Variants in PLCD1 observed in about 807,000 individuals in gnomAD.
The protein encoded by PLCD1 is 1-phosphatidylinositol 4,5-bisphosphate phosphodiesterase delta-1.
In PLCD1, 71 loss-of-function variants were observed where a neutral mutation model predicts 87.4. The observed-to-expected ratio is 0.81, with a 90% CI of 0.67 to 0.99. PLCD1 has a LOEUF of 0.99. PLCD1 is among the 50% of genes least tolerant of loss of function. The pLI is 0.00. For synonymous variants in PLCD1, 348 were observed against 399.2 expected (o/e 0.87, Z 1.53); for missense variants, 867 against 1,001.5 (o/e 0.87, Z 1.81).
At chr3:38,011,105 G>A (rs1700065634) in intron 5 of PLCD1, 109 bp downstream of exon 5, 2 of 845,512 alleles carry the variant, frequency 2.4e-6, no homozygotes, top group Admixed American at 5.2e-5. Flanking sequence ...GCTGGCTGAG[G>A]CAGCCCCTTC....
rs191493683 is a variant in PLCD1, at chr3:38,015,509, T to C, written c.428+982A>G. 1.1e-3 allele frequency among the ~76,000 whole-genome samples: 165 copies of C among 152,332 alleles called. 1 individual carries two copies. Among genetic ancestry groups the C allele is most frequent in the Middle Eastern group, 0.01 (3 of 292 alleles). On this transcript the variant is annotated intron_variant, in intron 3 of 14. Coordinates refer to ENST00000334661, the MANE Select transcript of PLCD1 (RefSeq NM_006225.4). Reference sequence around the variant, plus strand: ...GGAAATGTGCTAAAATTGATTGTGATGATGGCTGCACAATTCTGTGAATAT... The same window carrying C: ...GGAAATGTGCTAAAATTGATTGTGACGATGGCTGCACAATTCTGTGAATAT...
At chr3:38,024,269 T>A (rs539967344) in intron 1 of PLCD1, 3 of 1,409,094 alleles carry the variant, frequency 2.1e-6, no homozygotes, top group South Asian at 1.2e-5. Context: ...AAGGGACAAG[T>A]GGTCGGCGTC....
intron 1 of PLCD1, among the ~76,000 whole-genome samples, chr3:38,027,981 G>T (rs988155215): frequency 6.6e-6 from 1 of 152,214 alleles, no homozygotes; most frequent in Admixed American, 6.5e-5. Context: ...CTCAAATGGG[G>T]TGGGCCAGGG....
chr3:38,010,664 C>T (rs1448903393), intron 5 of PLCD1, 102 bp from the exon 6 acceptor site: 2 of 902,604 alleles, frequency 2.2e-6, no homozygotes, highest in Non-Finnish European at 3.5e-6. Context: ...CGCTTGCCTG[C>T]CTGTCCTGAG....
In PLCD1 at chr3:38,010,586, C is replaced by T. The variant is rs528040713; in HGVS notation, c.791-24G>A. ...GGCTGGGAGGGAGGAGGCCACTGCCCGTCAGAGCCAGCCTCCAGCAGGCGC... is the reference window on the plus strand; with the variant it reads ...GGCTGGGAGGGAGGAGGCCACTGCCTGTCAGAGCCAGCCTCCAGCAGGCGC... On this transcript the variant is annotated intron_variant, in intron 5 of 14. Transcript: ENST00000334661. 134 of 1,599,004 alleles carry T rather than the reference C, an allele frequency of 8.4e-5. No homozygotes were observed. In the South Asian group the frequency reaches 1.1e-3, roughly 13 times the overall value.
chr3:38,010,098 A>AT (rs1356604402), intron 7 of PLCD1, 33 bp downstream of exon 7: 10 of 1,614,078 alleles, frequency 6.2e-6, no homozygotes, highest in Admixed American at 1.7e-5. Flanking sequence ...CACCCCTAGC[A>AT]TCCCACTCCT....
At chr3:38,011,188 G>A (rs1214199102) in intron 5 of PLCD1, 26 bp downstream of exon 5, 1 of 1,565,564 alleles carries the variant, frequency 6.4e-7, no homozygotes, top group Non-Finnish European at 8.7e-7. Context: ...GCGACTGCAG[G>A]TAGCAGGCCC....
At chr3:38,014,891 G>A (rs1188859467) in intron 3 of PLCD1, among the ~76,000 whole-genome samples, 1 of 152,174 alleles carries the variant, frequency 6.6e-6, no homozygotes, top group Admixed American at 6.5e-5. Context: ...AATCATTAGG[G>A]AAATGCAAAT....
intron 1 of PLCD1, among the ~76,000 whole-genome samples, chr3:38,021,487 C>T (rs1251891166): frequency 1.3e-5 from 2 of 152,148 alleles, no homozygotes; most frequent in African/African-American, 2.4e-5. Flanking sequence ...ACAGGAGGCA[C>T]CAAAAGGACG....
At chr3:38,020,862 C>T (rs954457486) in intron 1 of PLCD1, among the ~76,000 whole-genome samples, 5 of 152,174 alleles carry the variant, frequency 3.3e-5, no homozygotes, top group African/African-American at 4.8e-5. Context: ...AGCCAAACAA[C>T]GTCCCAACTC....
intron 3 of PLCD1, among the ~76,000 whole-genome samples, chr3:38,016,018 T>A (rs755581116): frequency 5.3e-5 from 8 of 152,180 alleles, no homozygotes; most frequent in Admixed American, 3.9e-4. Flanking sequence ...GCTTCATGTA[T>A]CTTCCCTCCT....
rs772158117 is a variant in PLCD1 at position 38,016,636 on chromosome 3, G to A, written c.283C>T (p.Arg95Cys). 2.4e-5 allele frequency: 38 copies of A among 1,609,316 alleles called. 1 individual carries two copies. In the Middle Eastern group the frequency reaches 1.3e-3, roughly 56 times the overall value. Residue 95 changes from arginine (R) to cysteine (C), a missense_variant, in exon 3 of 15, where the codon CGC (arginine) becomes TGC (cysteine). Coordinates refer to ENST00000334661, the MANE Select transcript of PLCD1 (RefSeq NM_006225.4). ...EKFARDVPED[R>C]CFSIVFKDQR... ...TCCTTGAAGACAATGGAGAAGCAGC[G>A]GTCCTCGGGCACATCACGGGCGAAC...
At chr3:38,012,123 G>A (rs558011380) in intron 3 of PLCD1, among the ~76,000 whole-genome samples, 1 of 146,378 alleles carries the variant, frequency 6.8e-6, no homozygotes, top group Non-Finnish European at 1.5e-5. Context: ...GACCTCTCAG[G>A]CTCAAGTGAT....
rs1559369496 is a variant in PLCD1 at position 38,007,565 on chromosome 3, G to A, written c.*208C>T. ...GCCGGAGGGTGGAGAGGGCTGCAGT[G>A]TTATTCCTAACGGAATGAAGGACAG... On this transcript the variant is annotated 3_prime_UTR_variant, in exon 15 of 15. Coordinates refer to ENST00000334661, the MANE Select transcript of PLCD1 (RefSeq NM_006225.4). The A allele has an allele frequency of 1.4e-6, 1 of 697,608 alleles. No individual in the cohort carries two copies. The highest frequency in any genetic ancestry group is 2.6e-6 in the Non-Finnish European group (1 of 382,762). 43.2% of individuals were successfully genotyped at this position (697,608 alleles called of 1,614,324 possible). A position where few individuals can be genotyped will look rare whatever the true frequency, so the allele number is the denominator to read the frequency against.
chr3:38,016,790 C>T, intron 2 of PLCD1, 71 bp from the exon 3 acceptor site: 1 of 1,100,344 alleles, frequency 9.1e-7, no homozygotes, highest in Non-Finnish European at 1.4e-6. Flanking sequence ...CTGACATGGC[C>T]AAGGCCACAG....
In PLCD1 at chr3:38,008,157, T is replaced by C. The variant is rs1313040127; in HGVS notation, c.2042A>G (p.Asn681Ser). Residue 681 changes from asparagine to serine, a missense_variant, in exon 14 of 15, where the codon AAC becomes AGC. By Grantham distance (46) the Asn-to-Ser change is conservative. Transcript: ENST00000334661. ...CGCAAACTCCGTGTCCCACCATGGG[T>C]TGAAACCTAGGGGGACAGGCACCAT... ...QTAVITNNGF[N>S]PWWDTEFAFE... is the part of the protein sequence containing the mutation. 4 of 1,613,296 alleles carry C rather than the reference T, an allele frequency of 2.5e-6. No homozygotes were observed. The highest frequency in any genetic ancestry group is 3.4e-6 in the Non-Finnish European group (4 of 1,179,956).
At chr3:38,026,815 T>G (rs1383565388) in intron 1 of PLCD1, among the ~76,000 whole-genome samples, 1 of 152,212 alleles carries the variant, frequency 6.6e-6, no homozygotes, top group Non-Finnish European at 1.5e-5. Context: ...ACACCCACTG[T>G]GAAATATGTA....
chr3:38,015,863 C>T (rs1700147018), intron 3 of PLCD1, among the ~76,000 whole-genome samples: 1 of 152,302 alleles, frequency 6.6e-6, no homozygotes, highest in African/African-American at 2.4e-5. Flanking sequence ...ATGATTAAAA[C>T]ATCCAAGACT....
At chr3:38,022,942 T>C (rs923660701) in intron 1 of PLCD1, among the ~76,000 whole-genome samples, 1 of 151,188 alleles carries the variant, frequency 6.6e-6, no homozygotes, top group African/African-American at 2.4e-5. Context: ...AAACTTTCAA[T>C]AGCAAAAACT....
Sources: gnomAD v4.1 joint callset for allele counts (sites outside exome capture counted in the v4.1 genomes callset) on GRCh38, gnomAD v4.1.1 for gene constraint, MANE v1.5 for transcripts, NCBI Gene and HGNC (gene_info 2026-07-23, HGNC 2026-07-21) for gene names.